Variants in KASH5 observed in about 807,000 individuals in gnomAD.
The protein encoded by KASH5 is KASH domain containing 5, also known as protein KASH5.
A neutral mutation model predicts 84.2 loss-of-function variants in KASH5; 72 were observed. The observed-to-expected ratio is 0.85, with a 90% CI of 0.71 to 1.04. KASH5 has a LOEUF of 1.04. Ranked by LOEUF, KASH5 falls within the 50% of genes least tolerant of loss-of-function variation. KASH5 has a pLI of 0.00. For missense variants in KASH5, 650 were observed against 701.0 expected, an observed-to-expected ratio of 0.93 and a Z score of 0.82; for synonymous variants, 260 against 279.1, an observed-to-expected ratio of 0.93 and a Z score of 0.68.
intron 5 of KASH5, 119 bp from the exon 6 acceptor site, chr19:49,397,532 G>A: frequency 1.2e-6 from 1 of 858,050 alleles, no homozygotes; most frequent in Non-Finnish European, 1.9e-6. Flanking sequence ...AAAAGCCCAT[G>A]AGATTCTCCA....
chr19:49,411,999 C>T (rs1974736129), intron 15 of KASH5, among the ~76,000 whole-genome samples: 1 of 151,860 alleles, frequency 6.6e-6, no homozygotes, highest in Non-Finnish European at 1.5e-5. Flanking sequence ...CTTTGAGGCA[C>T]TAGCACAGCC....
chr19:49,394,304 T>A (rs1974102394), intron 2 of KASH5, among the ~76,000 whole-genome samples, 172 bp from the exon 3 acceptor site: 1 of 152,116 alleles, frequency 6.6e-6, no homozygotes, highest in African/African-American at 2.4e-5. Flanking sequence ...TCAGAGACCC[T>A]CACATTGTTG....
chr19:49,410,307 T>G (rs1409810888), intron 15 of KASH5, among the ~76,000 whole-genome samples: 1 of 152,176 alleles, frequency 6.6e-6, no homozygotes, highest in Non-Finnish European at 1.5e-5. Flanking sequence ...CATCTTTAAC[T>G]CAGCAATAAC....
chr19:49,413,292 C>A (rs1468245875), intron 16 of KASH5, among the ~76,000 whole-genome samples: 1 of 152,148 alleles, frequency 6.6e-6, no homozygotes, highest in Non-Finnish European at 1.5e-5. Flanking sequence ...GGGGGGGCCT[C>A]TGGAATCAGC....
At position 49,399,240 on chromosome 19, in the gene KASH5, TCACCTGG is replaced by T. The variant is rs531269438; in HGVS notation, c.747+100_747+106del. The T allele has an allele frequency of 2.4e-5, 26 of 1,092,142 alleles. No homozygotes were observed. The highest frequency in any genetic ancestry group is 3.0e-5 in the Non-Finnish European group (23 of 764,422). 67.7% of individuals were successfully genotyped at this position (1,092,142 alleles called of 1,614,324 possible). On this transcript the variant is annotated intron_variant, in intron 8 of 19. Coordinates refer to ENST00000447857, the MANE Select transcript of KASH5 (RefSeq NM_144688.5). This position sits in a 1 kb window ranked among gnomAD's most constrained non-coding sequence, Gnocchi z 4.4. ...ACTATGGAGTAGGAAGGGGCAGAGGTCACCTGGCTTTCTCCCTCTCTCCAGGCCCTGC... is the reference window on the plus strand; with the variant it reads ...ACTATGGAGTAGGAAGGGGCAGAGGTCTTTCTCCCTCTCTCCAGGCCCTGC...
intron 16 of KASH5, among the ~76,000 whole-genome samples, chr19:49,413,427 G>A (rs973689260): frequency 1.3e-5 from 2 of 152,240 alleles, no homozygotes; most frequent in Non-Finnish European, 2.9e-5. Flanking sequence ...AGGCCTCTGA[G>A]GATGGAGAAC....
At chr19:49,413,155 G>A (rs1428894033) in intron 16 of KASH5, 129 bp downstream of exon 16, 2 of 917,416 alleles carry the variant, frequency 2.2e-6, no homozygotes, top group Non-Finnish European at 1.7e-6. Flanking sequence ...TCTTCCGGGA[G>A]CAGAACCTGG....
chr19:49,408,157 A>C (rs1600938610), intron 12 of KASH5: 5 of 170,606 alleles, frequency 2.9e-5, no homozygotes, highest in Non-Finnish European at 5.1e-5. Context: ...CTCGTAATCC[A>C]CCCCTCTTGG....
chr19:49,409,675 T>G, intron 14 of KASH5, 78 bp from the exon 15 acceptor site: 1 of 1,585,206 alleles, frequency 6.3e-7, no homozygotes, highest in African/African-American at 1.3e-5. Flanking sequence ...GCCGCACACC[T>G]AAACCTATTT....
Position 49,394,737 on chromosome 19 carries a change from C to T in KASH5, c.148+157C>T, listed in dbSNP as rs1224887376. On this transcript the variant is annotated intron_variant, in intron 3 of 19. Transcript: ENST00000447857. ...TTATGGGAAGCTTCAGGAAGAAGAA[C>T]GTGGATAATGGGGTGAAGGCCTTTT... 11 of 621,622 alleles carry T rather than the reference C, an allele frequency of 1.8e-5. No homozygotes were observed. In the East Asian group the frequency reaches 2.2e-4, roughly 12 times the overall value. The allele number at this position is 621,622 out of a possible 1,614,324, so 38.5% of individuals were successfully genotyped here.
chr19:49,394,495 TGAG>T lies in KASH5; in HGVS notation c.68_70del (p.Glu23del), dbSNP rs1974109287. ...CCCCAGTGTACCTCCGGGAGCGGCC[TGAG>T]GAGGCAAGGCTGGGAATGCCGGTCA... On this transcript the variant is annotated inframe_deletion, in exon 3 of 20. Coordinates refer to ENST00000447857, the MANE Select transcript of KASH5 (RefSeq NM_144688.5). 4 of 1,613,740 alleles carry T rather than the reference TGAG, an allele frequency of 2.5e-6. No individual in the cohort carries two copies. Among genetic ancestry groups the T allele is most frequent in the Non-Finnish European group, 3.4e-6 (4 of 1,179,792 alleles).
At chr19:49,408,720 T>G (rs1245016613) in intron 12 of KASH5, among the ~76,000 whole-genome samples, 1 of 152,238 alleles carries the variant, frequency 6.6e-6, no homozygotes, top group African/African-American at 2.4e-5. Flanking sequence ...AGTGCTGGGA[T>G]TACAGGCATG....
chr19:49,415,557 G>T (rs1320302), intron 17 of KASH5: 49,520 of 173,292 alleles, frequency 0.29, 7,352 homozygotes, highest in South Asian at 0.48. Context: ...CTGGGCTGGA[G>T]TCTGCCTGTT....
rs868796030 is a variant in KASH5 at position 49,416,437 on chromosome 19, C to T, written c.1375-578C>T. Among the ~76,000 whole-genome samples the T allele has an allele frequency of 2.0e-5, 3 of 152,124 alleles. No homozygotes were observed. The highest frequency in any genetic ancestry group is 4.4e-5 in the Non-Finnish European group (3 of 68,022). On this transcript the variant is annotated intron_variant, in intron 17 of 19. Coordinates refer to ENST00000447857, the MANE Select transcript of KASH5 (RefSeq NM_144688.5). This position sits in a 1 kb window ranked among gnomAD's most constrained non-coding sequence, Gnocchi z 5.4. ...CCATGTCCTGACCTTGTGATCCGCC[C>T]GCTTCAGCCTCCCAAAGTGCCGGGA... is the stretch of plus-strand genomic sequence containing the variant.
At position 49,399,068 on chromosome 19, in the gene KASH5, C is replaced by A. The variant is rs911260638; in HGVS notation, c.673C>A (p.Leu225Met). The A allele has an allele frequency of 6.4e-7, 1 of 1,551,740 alleles. No homozygotes were observed. Among genetic ancestry groups the A allele is most frequent in the Non-Finnish European group, 8.7e-7 (1 of 1,147,018 alleles). ...LQFAKAMDEE[L>M]EDLKTLARSL... ...GTTTGCCAAGGCCATGGATGAGGAGCTGGAGGACCTGAAGACTCTGGCCAG... is the reference window on the plus strand; with the variant it reads ...GTTTGCCAAGGCCATGGATGAGGAGATGGAGGACCTGAAGACTCTGGCCAG... The change falls in exon 8 of 20, where the codon CTG becomes ATG. Residue 225 changes from leucine (L) to methionine (M), a missense_variant. Leu to Met is a conservative substitution (Grantham distance 15, BLOSUM62 2). Coordinates refer to ENST00000447857, the MANE Select transcript of KASH5 (RefSeq NM_144688.5). The surrounding 1 kb of genome is among the most constrained non-coding windows in gnomAD (Gnocchi z 4.4).
chr19:49,417,198 G>A lies in KASH5; in HGVS notation c.1479G>A (p.Val493=), dbSNP rs575656539. The change falls in exon 19 of 20, where the codon GTG becomes GTA. Residue 493 remains valine (V), a synonymous_variant. Transcript: ENST00000447857. This position sits in a 1 kb window ranked among gnomAD's most constrained non-coding sequence, Gnocchi z 5.2. ...AACTCCAGCAAGCCCTGGTGCCTGT[G>A]ATGAAAAAGCTGGTCCCAGTCAGGA... ...RRELQQALVP[V]MKKLVPVRRR... is the part of the protein sequence containing the mutation. The A allele has an allele frequency of 5.6e-6, 9 of 1,613,906 alleles. No homozygotes were observed. In the African/African-American group the frequency reaches 9.3e-5, roughly 17 times the overall value.
intron 17 of KASH5, 46 bp downstream of exon 17, chr19:49,415,042 C>T (rs773841059): frequency 1.7e-5 from 27 of 1,556,252 alleles, no homozygotes; most frequent in Non-Finnish European, 2.0e-5. Context: ...CCACTCCACA[C>T]CCACAGAGGC....
Position 49,417,148 on chromosome 19 carries a change from C to A in KASH5, c.1440-11C>A. On this transcript the variant is annotated splice_polypyrimidine_tract_variant and intron_variant, in intron 18 of 19. Coordinates refer to ENST00000447857, the MANE Select transcript of KASH5 (RefSeq NM_144688.5). The surrounding 1 kb of genome is among the most constrained non-coding windows in gnomAD (Gnocchi z 5.2). ...AAAACCCAGTGGTGATTCCCTCCTTCACCCCAGCAGACCTGCGCGGCGGGA... is the reference window on the plus strand; with the variant it reads ...AAAACCCAGTGGTGATTCCCTCCTTAACCCCAGCAGACCTGCGCGGCGGGA... 2 of 1,613,026 alleles carry A rather than the reference C, an allele frequency of 1.2e-6. No homozygotes were observed. The highest frequency in any genetic ancestry group is 2.7e-5 in the African/African-American group (2 of 75,042).
chr19:49,396,242 A>ATTTT (rs1568611428), intron 5 of KASH5, among the ~76,000 whole-genome samples: 2 of 122,904 alleles, frequency 1.6e-5, no homozygotes, highest in African/African-American at 3.2e-5. Flanking sequence ...ACCCTGCTGG[A>ATTTT]CTTTTTTTTT....
Sources: allele counts gnomAD v4.1 joint callset (sites outside exome capture counted in the v4.1 genomes callset), GRCh38; gene constraint gnomAD v4.1.1; non-coding constraint Gnocchi (gnomAD v3.1); transcripts MANE v1.5; gene names NCBI Gene and HGNC (gene_info 2026-07-23, HGNC 2026-07-21).